Variants in CRYM observed in about 807,000 individuals in gnomAD.
CRYM encodes ketimine reductase mu-crystallin.
Under a neutral mutation model 32.9 loss-of-function variants are expected in CRYM, and 18 were observed. The ratio of observed to expected loss-of-function variants is 0.55; its 90% CI spans 0.38 to 0.81. The LOEUF (loss-of-function observed/expected upper bound fraction) is 0.81. CRYM is among the 30% of genes least tolerant of loss of function. CRYM has a pLI of 0.00. For synonymous variants in CRYM, 153 were observed against 152.4 expected (o/e 1.00, Z -0.03); for missense variants, 337 against 393.5 (o/e 0.86, Z 1.21).
intron 5 of CRYM, among the ~76,000 whole-genome samples, chr16:21,266,964 G>A (rs757102190): frequency 2.0e-5 from 3 of 151,706 alleles, no homozygotes; most frequent in Non-Finnish European, 4.4e-5. Context: ...CTGAGATCTC[G>A]CCACTGCACT....
chr16:21,275,400 C>T, intron 3 of CRYM, 132 bp downstream of exon 3: 1 of 734,620 alleles, frequency 1.4e-6, no homozygotes, highest in Non-Finnish European at 2.4e-6. Flanking sequence ...ATATATCTGA[C>T]ATCTGGAGTT....
chr16:21,297,632 A>T (rs1212947028), intron 1 of CRYM, among the ~76,000 whole-genome samples: 1 of 152,194 alleles, frequency 6.6e-6, no homozygotes, highest in Admixed American at 6.5e-5. Flanking sequence ...AAATGCATAA[A>T]TGTTTCTGTA....
At chr16:21,286,430 T>G (rs1458851642) in intron 1 of CRYM, among the ~76,000 whole-genome samples, 5 of 151,576 alleles carry the variant, frequency 3.3e-5, no homozygotes, top group Non-Finnish European at 5.9e-5. Flanking sequence ...TTTTGCCATG[T>G]TGGCCAGCCT....
chr16:21,294,989 C>T lies in CRYM; in HGVS notation c.-193+7989G>A, dbSNP rs921587844. Among the ~76,000 whole-genome samples, 9 of 152,092 alleles carry T rather than the reference C, an allele frequency of 5.9e-5. 1 individual carries two copies. The highest frequency in any genetic ancestry group is 2.4e-5 in the African/African-American group (1 of 41,404). ...AGATTATAGGCGTGAACCACCACAC[C>T]GTGCTGATTTCATTCTTTTTATGGC... On this transcript the variant is annotated intron_variant, in intron 1 of 9. Coordinates refer to the CRYM transcript ENST00000219599.
At chr16:21,266,260 CTT>C (rs1331211891) in intron 5 of CRYM, among the ~76,000 whole-genome samples, 2 of 152,034 alleles carry the variant, frequency 1.3e-5, no homozygotes, top group African/African-American at 4.8e-5. Flanking sequence ...AAACTTGTGA[CTT>C]TGGAAAAGTT....
At chr16:21,282,859 C>T (rs774664039), upstream of CRYM, among the ~76,000 whole-genome samples, 7 of 152,002 alleles carry the variant, frequency 4.6e-5, no homozygotes, top group East Asian at 1.9e-4. Context: ...TTGTCCCAAG[C>T]CTCCAATAAT....
At chr16:21,281,262 A>T (rs969793936), upstream of CRYM, among the ~76,000 whole-genome samples, 6 of 149,276 alleles carry the variant, frequency 4.0e-5, no homozygotes, top group African/African-American at 1.2e-4. Flanking sequence ...ATATATATAA[A>T]TTTTTTTTTT....
At chr16:21,297,356 G>T (rs914748087) in intron 1 of CRYM, among the ~76,000 whole-genome samples, 2 of 151,514 alleles carry the variant, frequency 1.3e-5, no homozygotes, top group African/African-American at 4.9e-5. Flanking sequence ...TCTCACCATC[G>T]CACTCCAGCC....
intron 3 of CRYM, among the ~76,000 whole-genome samples, chr16:21,271,052 G>A (rs1301203328): frequency 6.6e-6 from 1 of 152,198 alleles, no homozygotes; most frequent in Non-Finnish European, 1.5e-5. Flanking sequence ...TACCTACTAT[G>A]ACCTACAAGA....
chr16:21,267,975 A>G (rs2093367628), intron 4 of CRYM, among the ~76,000 whole-genome samples: 1 of 152,228 alleles, frequency 6.6e-6, no homozygotes, highest in African/African-American at 2.4e-5. Context: ...CCCTTTTAAA[A>G]TGAGTGGAAG....
At chr16:21,267,863 T>C in intron 4 of CRYM, 126 bp from the exon 5 acceptor site, 1 of 862,410 alleles carries the variant, frequency 1.2e-6, no homozygotes, top group Non-Finnish European at 1.9e-6. Flanking sequence ...TCTAAATCAC[T>C]CCTAAATCAT....
At chr16:21,261,567 G>A (rs1031348148) in intron 6 of CRYM, 10 of 583,032 alleles carry the variant, frequency 1.7e-5, no homozygotes, top group Admixed American at 3.0e-5. Flanking sequence ...ACAGAGATTC[G>A]AGTTGGTGCT....
chr16:21,289,822 G>C (rs547616100), intron 1 of CRYM, among the ~76,000 whole-genome samples: 17 of 151,800 alleles, frequency 1.1e-4, no homozygotes, highest in African/African-American at 3.9e-4. Flanking sequence ...ACAGAGTGCC[G>C]ATTGGTCCAT....
At chr16:21,294,432 C>G (rs575810799) in intron 1 of CRYM, among the ~76,000 whole-genome samples, 2 of 152,190 alleles carry the variant, frequency 1.3e-5, no homozygotes, top group South Asian at 4.1e-4. Context: ...TTTGCTGCAC[C>G]TATCAACCTA....
chr16:21,278,109 G>A lies in CRYM; in HGVS notation c.143C>T (p.Thr48Ile), dbSNP rs2093390929. 6 of 1,548,012 alleles carry A rather than the reference G, an allele frequency of 3.9e-6. No homozygotes were observed. The highest frequency in any genetic ancestry group is 4.4e-6 in the Non-Finnish European group (5 of 1,147,028). The stretch of plus-strand genomic sequence containing the variant: ...CCTGTGCTTGGTCACCGGCACCACG[G>A]TGCGCACGGGCTGCATGACCCCTCC... ...PEGGVMQPVR[T>I]VVPVTKHRGY... The change falls in exon 1 of 8, where the codon ACC becomes ATC. Residue 48 changes from threonine (T) to isoleucine (I), a missense_variant. By Grantham distance (89) the Thr-to-Ile change is moderately conservative. Transcript: ENST00000572914.
chr16:21,302,125 T>C (rs1960961156), intron 1 of CRYM, among the ~76,000 whole-genome samples: 1 of 152,198 alleles, frequency 6.6e-6, no homozygotes, highest in Admixed American at 6.5e-5. Context: ...GAAGCACTGT[T>C]AGGAATTTTA....
chr16:21,292,324 T>C (rs1052457130), intron 1 of CRYM, among the ~76,000 whole-genome samples: 7 of 152,138 alleles, frequency 4.6e-5, no homozygotes, highest in African/African-American at 1.7e-4. Flanking sequence ...ACCATTGTGG[T>C]AGCATGAAAT....
At chr16:21,296,487 A>G (rs1206503432) in intron 1 of CRYM, among the ~76,000 whole-genome samples, 2 of 152,248 alleles carry the variant, frequency 1.3e-5, no homozygotes, top group African/African-American at 4.8e-5. Context: ...TTCCTGAAAT[A>G]AAAGAACACA....
upstream of CRYM, chr16:21,278,932 G>GCAGGATCTTTTCTTC (rs1272001181): frequency 5.3e-5 from 8 of 152,170 alleles, no homozygotes; most frequent in Admixed American, 5.2e-4. Context: ...AAGCCAAATT[G>GCAGGATCTTTTCTTC]CAGGATCTTT....
Sources: allele counts gnomAD v4.1 joint callset (sites outside exome capture counted in the v4.1 genomes callset), GRCh38; gene constraint gnomAD v4.1.1; transcripts MANE v1.5; gene names NCBI Gene and HGNC (gene_info 2026-07-23, HGNC 2026-07-21).